Variants in PGM5 observed in about 807,000 individuals in gnomAD.
The protein encoded by PGM5 is phosphoglucomutase-like protein 5.
In PGM5, 23 loss-of-function variants were observed where a neutral mutation model predicts 59.2. That is an observed-to-expected ratio of 0.39 (90% CI 0.28 to 0.55). The LOEUF is 0.55. PGM5 is among the 20% of genes least tolerant of loss of function. The pLI is 0.66. For missense variants in PGM5, 574 were observed against 748.3 expected (o/e 0.77, Z 2.72); for synonymous variants, 214 against 286.0 (o/e 0.75, Z 2.54).
rs185604931 is a variant in PGM5 at position 68,382,013 on chromosome 9, C to T, written c.425-2385C>T. Among the ~76,000 whole-genome samples, 454 of 151,918 alleles carry T rather than the reference C, an allele frequency of 3.0e-3. 2 individuals carry two copies. The highest frequency in any genetic ancestry group is 0.01 in the African/African-American group (431 of 41,514). On this transcript the variant is annotated intron_variant, in intron 2 of 10. Transcript: ENST00000396396. ...CTATCAAAATTTCAATAACATTCTT[C>T]ATGGAAATAGAAAAGCAATACTAAA...
chr9:68,444,563 A>G (rs1823581270), intron 6 of PGM5, among the ~76,000 whole-genome samples: 1 of 152,242 alleles, frequency 6.6e-6, no homozygotes, highest in Non-Finnish European at 1.5e-5. Context: ...GGAAGAAATG[A>G]CATACATTTC....
intron 6 of PGM5, among the ~76,000 whole-genome samples, chr9:68,443,311 A>G (rs1554683796): frequency 6.6e-6 from 1 of 152,214 alleles, no homozygotes; most frequent in African/African-American, 2.4e-5. Flanking sequence ...GCTCAAAAAG[A>G]CAAAATTATG....
chr9:68,435,266 G>A (rs1823426627), intron 6 of PGM5, among the ~76,000 whole-genome samples: 1 of 152,132 alleles, frequency 6.6e-6, no homozygotes, highest in Non-Finnish European at 1.5e-5. Flanking sequence ...GCTTTATTGA[G>A]ATATAATTCA....
chr9:68,486,198 T>C (rs561350922), intron 9 of PGM5, among the ~76,000 whole-genome samples: 10 of 152,372 alleles, frequency 6.6e-5, no homozygotes, highest in South Asian at 4.1e-4. Context: ...TGGATATTTA[T>C]TGAGAGCCTA....
At chr9:68,431,449 C>T (rs1035872314) in intron 6 of PGM5, among the ~76,000 whole-genome samples, 12 of 152,166 alleles carry the variant, frequency 7.9e-5, no homozygotes, top group Non-Finnish European at 1.6e-4. Flanking sequence ...GCTGCAAATA[C>T]TCAGATAGTA....
intron 10 of PGM5, among the ~76,000 whole-genome samples, chr9:68,526,967 A>C (rs906066920): frequency 2.6e-5 from 4 of 152,376 alleles, no homozygotes; most frequent in East Asian, 3.9e-4. Flanking sequence ...TGATAAACAC[A>C]GAACTCAACT....
chr9:68,473,059 A>G (rs950757195), intron 7 of PGM5, among the ~76,000 whole-genome samples: 3 of 152,168 alleles, frequency 2.0e-5, no homozygotes, highest in African/African-American at 7.2e-5. Flanking sequence ...TCTGAACATA[A>G]GTGGTTTGAG....
At chr9:68,453,483 T>G (rs143517302) in intron 6 of PGM5, among the ~76,000 whole-genome samples, 20 of 152,092 alleles carry the variant, frequency 1.3e-4, no homozygotes, top group African/African-American at 4.8e-4. Context: ...AGACTACAGG[T>G]GCACACCACC....
intron 6 of PGM5, among the ~76,000 whole-genome samples, chr9:68,416,351 A>G (rs1278250185): frequency 6.6e-6 from 1 of 152,172 alleles, no homozygotes; most frequent in Non-Finnish European, 1.5e-5. Context: ...ACCCTGAGGC[A>G]TGTGTTTTTC....
At chr9:68,394,968 A>G (rs534798909) in intron 6 of PGM5, among the ~76,000 whole-genome samples, 5 of 152,276 alleles carry the variant, frequency 3.3e-5, no homozygotes, top group African/African-American at 4.8e-5. Context: ...GAAGTTTTAA[A>G]TTTTGATGAA....
At position 68,466,208 on chromosome 9, in the gene PGM5, C is replaced by T. The variant is rs1554685796; in HGVS notation, c.1159+1000C>T. On this transcript the variant is annotated intron_variant, in intron 7 of 10. Transcript: ENST00000396396. ...CATCTTTAAGTTCACTGATTCTTTC[C>T]TTAGCTGTGTCCAATCTGCTGATGA... The T allele has an allele frequency of 4.7e-6, 6 of 1,289,760 alleles. No individual in the cohort carries two copies. In the South Asian group the frequency reaches 6.4e-5, roughly 14 times the overall value. The allele number at this position is 1,289,760 out of a possible 1,614,324, so 79.9% of individuals were successfully genotyped here.
chr9:68,410,222 A>G (rs1312986687), intron 6 of PGM5, among the ~76,000 whole-genome samples: 2 of 152,212 alleles, frequency 1.3e-5, no homozygotes, highest in African/African-American at 2.4e-5. Context: ...ACTTTTGCAT[A>G]TATCCTATAG....
chr9:68,357,522 C>G, intron 1 of PGM5, 134 bp downstream of exon 1: 1 of 1,482,382 alleles, frequency 6.7e-7, no homozygotes, highest in Non-Finnish European at 8.9e-7. Context: ...ACTCCCGCGT[C>G]CTCACCCTCC....
chr9:68,460,061 G>A (rs1554685268), intron 6 of PGM5, among the ~76,000 whole-genome samples: 1 of 152,126 alleles, frequency 6.6e-6, no homozygotes, highest in Non-Finnish European at 1.5e-5. Context: ...TGAAGATAGA[G>A]GAATGGAAGA....
chr9:68,479,585 C>T, intron 8 of PGM5, 32 bp downstream of exon 8: 1 of 1,605,048 alleles, frequency 6.2e-7, no homozygotes, highest in African/African-American at 1.3e-5. Context: ...TCTGTATGGA[C>T]CCTGAAGAAC....
intron 6 of PGM5, among the ~76,000 whole-genome samples, chr9:68,424,932 T>C (rs1554682601): frequency 6.6e-6 from 1 of 152,212 alleles, no homozygotes; most frequent in African/African-American, 2.4e-5. Context: ...AAAATTGACC[T>C]CCTTCTTCCT....
intron 1 of PGM5, among the ~76,000 whole-genome samples, chr9:68,369,433 C>T (rs1285580694): frequency 1.3e-5 from 2 of 152,124 alleles, no homozygotes; most frequent in Admixed American, 6.5e-5. Flanking sequence ...GGGGTGGTCA[C>T]CTCATAAAAT....
At chr9:68,447,799 G>T (rs1318894423) in intron 6 of PGM5, among the ~76,000 whole-genome samples, 8 of 152,144 alleles carry the variant, frequency 5.3e-5, no homozygotes, top group Non-Finnish European at 7.3e-5. Context: ...ACAGAGAATG[G>T]GTTCTGGAAT....
chr9:68,357,203 G>C lies in PGM5; in HGVS notation c.76G>C (p.Gly26Arg), dbSNP rs782197468. 8 of 1,540,010 alleles carry C rather than the reference G, an allele frequency of 5.2e-6. No homozygotes were observed. The South Asian group carries it at 8.3e-5, about 16-fold the overall frequency. ...GGACCAGCGGCCGGCCGGCGGCGGG[G>C]GTCTGCGGCGACCCACCGGCCTCTT... is the stretch of plus-strand genomic sequence containing the variant. ...YEDQRPAGGG[G>R]LRRPTGLFEG... is the part of the protein sequence containing the mutation. Residue 26 changes from glycine (G) to arginine (R), a missense_variant, in exon 1 of 11, where the codon GGT becomes CGT. By Grantham distance (125) the Gly-to-Arg change is moderately radical. This residue lies in a region of PGM5 where 60 missense variants were observed against 71.0 expected (regional missense o/e 0.85). Coordinates refer to ENST00000396396, the MANE Select transcript of PGM5 (RefSeq NM_021965.4).
Sources: gnomAD v4.1 joint callset for allele counts (sites outside exome capture counted in the v4.1 genomes callset) on GRCh38, gnomAD v4.1.1 for gene constraint, gnomAD v4.1.1 regional missense constraint, MANE v1.5 for transcripts, NCBI Gene and HGNC (gene_info 2026-07-23, HGNC 2026-07-21) for gene names.